CDK19: variants seen among roughly 807,000 people sequenced by gnomAD.
CDK19 encodes the protein cyclin dependent kinase 19.
Under a neutral mutation model 68.3 loss-of-function variants are expected in CDK19, and 20 were observed. That is an observed-to-expected ratio of 0.29 (90% CI 0.21 to 0.43). CDK19 has a LOEUF of 0.43. CDK19 is among the 20% of genes least tolerant of loss of function. CDK19 has a pLI of 1.00. For synonymous variants in CDK19, 221 were observed against 222.8 expected, an observed-to-expected ratio of 0.99 and a Z score of 0.07; for missense variants, 339 against 623.5, an observed-to-expected ratio of 0.54 and a Z score of 4.86.
chr6:110,652,042 C>T (rs1781006008), intron 4 of CDK19, among the ~76,000 whole-genome samples: 1 of 151,952 alleles, frequency 6.6e-6, no homozygotes, highest in African/African-American at 2.4e-5. Flanking sequence ...CCATTGCACT[C>T]CAGCCTGGGC....
intron 12 of CDK19, among the ~76,000 whole-genome samples, chr6:110,615,212 CAT>C (rs1778237355): frequency 6.6e-6 from 1 of 152,136 alleles, no homozygotes; most frequent in South Asian, 2.1e-4. Context: ...GCGGCAGCAA[CAT>C]GTGGGTTTTA....
intron 2 of CDK19, 55 bp downstream of exon 2, chr6:110,746,071 A>T: frequency 1.2e-6 from 1 of 862,046 alleles, no homozygotes; most frequent in Non-Finnish European, 1.8e-6. Flanking sequence ...ATATTAAAAT[A>T]AATCATCACC....
At chr6:110,615,739 AG>A (rs1319180841) in intron 12 of CDK19, among the ~76,000 whole-genome samples, 1 of 152,252 alleles carries the variant, frequency 6.6e-6, no homozygotes, top group Non-Finnish European at 1.5e-5. Flanking sequence ...CCACAAGTTT[AG>A]GATTATGAGA....
chr6:110,746,578 A>AC, intron 1 of CDK19, among the ~76,000 whole-genome samples: 1 of 152,344 alleles, frequency 6.6e-6, no homozygotes, highest in East Asian at 1.9e-4. Flanking sequence ...GACATTCACT[A>AC]TAAAAAACTG....
At chr6:110,725,341 T>C (rs953778127) in intron 2 of CDK19, among the ~76,000 whole-genome samples, 1 of 151,980 alleles carries the variant, frequency 6.6e-6, no homozygotes, top group African/African-American at 2.4e-5. Context: ...GAGGAAAACA[T>C]GGGATTAATA....
At position 110,612,695 on chromosome 6, in the gene CDK19, C is replaced by T. The variant is rs973165530; in HGVS notation, c.*1840G>A. ...ATAGGCAGCTACATTATGCAGAGGGCTGCTAATTTCTTATTTTAAAAAATG... is the reference window on the plus strand; with the variant it reads ...ATAGGCAGCTACATTATGCAGAGGGTTGCTAATTTCTTATTTTAAAAAATG... On this transcript the variant is annotated 3_prime_UTR_variant, in exon 13 of 13. Transcript: ENST00000368911. 1.3e-4 allele frequency: 20 copies of T among 152,244 alleles called. No homozygotes were observed. Among genetic ancestry groups the T allele is most frequent in the African/African-American group, 4.8e-4 (20 of 41,418 alleles). 9.4% of individuals were successfully genotyped at this position (152,244 alleles called of 1,614,324 possible).
chr6:110,632,200 A>AT, intron 5 of CDK19, 39 bp from the exon 6 acceptor site: 1 of 1,516,844 alleles, frequency 6.6e-7, no homozygotes, highest in Non-Finnish European at 9.0e-7. Context: ...ATTCAGTTTG[A>AT]TTGTTTCTCG....
chr6:110,621,143 G>A lies in CDK19; in HGVS notation c.1338C>T (p.Gly446=), dbSNP rs748955098. 2 of 1,614,036 alleles carry A rather than the reference G, an allele frequency of 1.2e-6. No homozygotes were observed. Among genetic ancestry groups the A allele is most frequent in the Non-Finnish European group, 1.7e-6 (2 of 1,179,974 alleles). ...PNKKPRLGPS[G]ANSGGPVMPS... Reference sequence around the variant, plus strand: ...GCATCACAGGTCCACCTGAGTTTGCGCCTGAAGGCCCTAGCCGTGGCTTCT... The same window carrying A: ...GCATCACAGGTCCACCTGAGTTTGCACCTGAAGGCCCTAGCCGTGGCTTCT... Residue 446 remains glycine (G), a synonymous_variant, in exon 12 of 13, where the codon GGC becomes GGT. Coordinates refer to ENST00000368911, the MANE Select transcript of CDK19 (RefSeq NM_015076.5). This position sits in a 1 kb window ranked among gnomAD's most constrained non-coding sequence, Gnocchi z 5.4.
At chr6:110,647,097 T>G (rs1780648374) in intron 4 of CDK19, among the ~76,000 whole-genome samples, 1 of 151,946 alleles carries the variant, frequency 6.6e-6, no homozygotes, top group Non-Finnish European at 1.5e-5. Flanking sequence ...TCCCGACCCC[T>G]GCACTCCCCT....
chr6:110,699,996 T>C (rs1773858148), intron 2 of CDK19, among the ~76,000 whole-genome samples: 1 of 152,216 alleles, frequency 6.6e-6, no homozygotes, highest in Non-Finnish European at 1.5e-5. Context: ...GCTTCATCTG[T>C]ATTTACAGCT....
chr6:110,768,982 A>T (rs1477804481), intron 1 of CDK19, among the ~76,000 whole-genome samples: 1 of 149,510 alleles, frequency 6.7e-6, no homozygotes, highest in Non-Finnish European at 1.5e-5. Flanking sequence ...ACGAAACCCC[A>T]TCTCTACTAA....
chr6:110,697,497 A>T (rs1437154797), intron 2 of CDK19, among the ~76,000 whole-genome samples: 2 of 152,194 alleles, frequency 1.3e-5, no homozygotes, highest in African/African-American at 4.8e-5. Context: ...AACACTGCTG[A>T]AAGAAGTCAT....
intron 2 of CDK19, among the ~76,000 whole-genome samples, chr6:110,687,736 T>C (rs1251670269): frequency 6.6e-6 from 1 of 152,212 alleles, no homozygotes; most frequent in African/African-American, 2.4e-5. Context: ...AGCTATATTA[T>C]TACATGTGTG....
chr6:110,758,538 T>C (rs1778983304), intron 1 of CDK19, among the ~76,000 whole-genome samples: 1 of 152,194 alleles, frequency 6.6e-6, no homozygotes, highest in Non-Finnish European at 1.5e-5. Flanking sequence ...GCTAAGTACT[T>C]TGCAAACAGT....
chr6:110,726,691 C>G (rs764803727), intron 2 of CDK19, among the ~76,000 whole-genome samples: 1 of 152,124 alleles, frequency 6.6e-6, no homozygotes, highest in Non-Finnish European at 1.5e-5. Flanking sequence ...AAAGATAGAT[C>G]ACTACACACT....
chr6:110,812,479 C>G (rs1297778998), intron 1 of CDK19, among the ~76,000 whole-genome samples: 1 of 152,074 alleles, frequency 6.6e-6, no homozygotes, highest in Non-Finnish European at 1.5e-5. Flanking sequence ...CATTTCCAGC[C>G]TCTTATAAAT....
At position 110,610,219 on chromosome 6, in the gene CDK19, G is replaced by T. The variant is rs538255208; in HGVS notation, c.*4316C>A. ...AGTCATCTCTATAACCATATAAAGG[G>T]GGATGCGTGCAGAAAATGACTGAAA... On this transcript the variant is annotated 3_prime_UTR_variant, in exon 13 of 13. Coordinates refer to ENST00000368911, the MANE Select transcript of CDK19 (RefSeq NM_015076.5). 1 of 152,412 alleles carries T rather than the reference G, an allele frequency of 6.6e-6. No individual in the cohort carries two copies. Among genetic ancestry groups the T allele is most frequent in the Non-Finnish European group, 1.5e-5 (1 of 68,004 alleles). 9.4% of individuals were successfully genotyped at this position (152,412 alleles called of 1,614,324 possible). A position where few individuals can be genotyped will look rare whatever the true frequency, so the allele number is the denominator to read the frequency against.
intron 4 of CDK19, among the ~76,000 whole-genome samples, chr6:110,666,383 C>T (rs1781935576): frequency 7.1e-6 from 1 of 140,232 alleles, no homozygotes; most frequent in Admixed American, 7.4e-5. Flanking sequence ...CGAGATGGCG[C>T]CACTGCACTC....
chr6:110,714,657 G>A (rs1384054366), intron 2 of CDK19, among the ~76,000 whole-genome samples: 1 of 150,528 alleles, frequency 6.6e-6, no homozygotes, highest in Admixed American at 6.6e-5. Flanking sequence ...AATAATTAAT[G>A]ACGTTGAGCA....
Sources: allele counts gnomAD v4.1 joint callset (sites outside exome capture counted in the v4.1 genomes callset), GRCh38; gene constraint gnomAD v4.1.1; non-coding constraint Gnocchi (gnomAD v3.1); transcripts MANE v1.5; gene names NCBI Gene and HGNC (gene_info 2026-07-23, HGNC 2026-07-21).